The following ATXN7 variants were observed in gnomAD, a reference collection of about 807,000 sequenced individuals.
ATXN7 encodes the protein ataxin 7.
Under a neutral mutation model 70.5 loss-of-function variants are expected in ATXN7, and 12 were observed. The ratio of observed to expected loss-of-function variants is 0.17; its 90% confidence interval spans 0.11 to 0.28. The LOEUF (loss-of-function observed/expected upper bound fraction) is 0.28, where lower values mean the gene tolerates loss of function less well. Among genes scored for constraint, ATXN7 ranks in the 10% least tolerant of loss-of-function variants. ATXN7 has a pLI of 1.00. For missense variants in ATXN7, 1,256 were observed against 1,131.7 expected (o/e 1.11, Z -1.58); for synonymous variants, 498 against 448.7 (o/e 1.11, Z -1.39).
chr3:63,927,223 C>T (rs1401853324), intron 4 of ATXN7, among the ~76,000 whole-genome samples: 1 of 152,064 alleles, frequency 6.6e-6, no homozygotes, highest in Non-Finnish European at 1.5e-5. Context: ...TAGGAGTCAC[C>T]TTTTTGAATT....
At chr3:63,875,377 C>T (rs1185174245) in intron 1 of ATXN7, among the ~76,000 whole-genome samples, 1 of 152,172 alleles carries the variant, frequency 6.6e-6, no homozygotes, top group Admixed American at 6.5e-5. Flanking sequence ...CAGGTGTGAG[C>T]CACTGTGCCC....
At chr3:63,996,721 A>G in intron 12 of ATXN7, 1 of 541,276 alleles carries the variant, frequency 1.8e-6, no homozygotes, top group Non-Finnish European at 3.2e-6. Context: ...TCAGTAAAGA[A>G]ACTACAGTAA....
Position 63,980,136 on chromosome 3 carries a change from A to G in ATXN7, c.721A>G (p.Ile241Val), listed in dbSNP as rs1256403157. The G allele has an allele frequency of 6.2e-7, 1 of 1,614,194 alleles. No homozygotes were observed. The highest frequency in any genetic ancestry group is 2.2e-5 in the East Asian group (1 of 44,876). ...GGGGAACACCAGGCCAATGCATCCCATTCAGCAAAGTAGAGTTCCCCATGG... is the reference window on the plus strand; with the variant it reads ...GGGGAACACCAGGCCAATGCATCCCGTTCAGCAAAGTAGAGTTCCCCATGG... ...LRGNTRPMHPIQQSRVPHGRI... is the reference protein window; with the variant it reads ...LRGNTRPMHPVQQSRVPHGRI... Residue 241 changes from isoleucine (I) to valine (V), a missense_variant, in exon 6 of 13, where the codon ATT becomes GTT. By Grantham distance (29) the Ile-to-Val change is conservative. Coordinates refer to ENST00000674280, the MANE Select transcript of ATXN7 (RefSeq NM_001377405.1).
intron 8 of ATXN7, among the ~76,000 whole-genome samples, chr3:63,984,313 C>T (rs911389968): frequency 2.6e-5 from 4 of 152,082 alleles, no homozygotes; most frequent in African/African-American, 9.7e-5. Context: ...CCACCCCAAG[C>T]CCATCCTTGG....
chr3:63,950,992 C>G (rs1466072151), intron 4 of ATXN7, among the ~76,000 whole-genome samples: 1 of 152,074 alleles, frequency 6.6e-6, no homozygotes, highest in African/African-American at 2.4e-5. Flanking sequence ...GAATTGAATT[C>G]CAGCTATTGA....
intron 4 of ATXN7, among the ~76,000 whole-genome samples, chr3:63,939,219 A>T (rs17069504): frequency 0.018 from 2,775 of 152,228 alleles, 94 homozygotes; most frequent in African/African-American, 0.062. Flanking sequence ...TTATCCATCC[A>T]TCCTGTTCTG....
intron 4 of ATXN7, among the ~76,000 whole-genome samples, chr3:63,914,387 A>G (rs1704179334): frequency 6.6e-6 from 1 of 152,210 alleles, no homozygotes; most frequent in Non-Finnish European, 1.5e-5. Context: ...TCCAATTGGA[A>G]CAGATTATAG....
Position 63,996,390 on chromosome 3 carries a change from T to A in ATXN7, c.2568T>A (p.Val856=). 1 of 1,614,128 alleles carries A rather than the reference T, an allele frequency of 6.2e-7. No homozygotes were observed. Among genetic ancestry groups the A allele is most frequent in the Non-Finnish European group, 8.5e-7 (1 of 1,180,012 alleles). The change falls in exon 12 of 13, where the codon GTT becomes GTA. Residue 856 remains valine, a synonymous_variant. Coordinates refer to ENST00000674280, the MANE Select transcript of ATXN7 (RefSeq NM_001377405.1). ...INNSSSKPTK[V]AKVPAVNNVH... is the part of the protein sequence containing the mutation. Reference sequence around the variant, plus strand: ...ACAGCAGCAGCAAACCCACAAAGGTTGCCAAAGTGCCAGCCGTGAACAATG... The same window carrying A: ...ACAGCAGCAGCAAACCCACAAAGGTAGCCAAAGTGCCAGCCGTGAACAATG...
intron 5 of ATXN7, among the ~76,000 whole-genome samples, chr3:63,964,856 C>T (rs1457110236): frequency 6.6e-6 from 1 of 152,150 alleles, no homozygotes; most frequent in African/African-American, 2.4e-5. Context: ...TGCTCCTTGG[C>T]AGCAGGTAAG....
chr3:63,887,806 C>CA (rs1703133138), intron 1 of ATXN7, among the ~76,000 whole-genome samples: 1 of 151,144 alleles, frequency 6.6e-6, no homozygotes, highest in Non-Finnish European at 1.5e-5. Flanking sequence ...AGGCAGGTCT[C>CA]AAACGATCCA....
chr3:63,964,181 CAAAG>C (rs2075180843), intron 5 of ATXN7, among the ~76,000 whole-genome samples: 1 of 151,598 alleles, frequency 6.6e-6, no homozygotes. Context: ...TAATATGAGA[CAAAG>C]AGATCTTTCA....
chr3:63,987,057 G>C (rs896673690), intron 8 of ATXN7, among the ~76,000 whole-genome samples: 1 of 152,146 alleles, frequency 6.6e-6, no homozygotes, highest in African/African-American at 2.4e-5. Flanking sequence ...AGTATGGAAT[G>C]GTCAGGTTTA....
At position 63,999,929 on chromosome 3, in the gene ATXN7, C is replaced by A. The variant is rs1011914966; in HGVS notation, c.*462C>A. Reference sequence around the variant, plus strand: ...TAGGTCACTCTCCAGCAGTTAGGCACCTTAACTGGAGACCAGAAACCTTCC... The same window carrying A: ...TAGGTCACTCTCCAGCAGTTAGGCAACTTAACTGGAGACCAGAAACCTTCC... On this transcript the variant is annotated 3_prime_UTR_variant, in exon 13 of 13. Coordinates refer to ENST00000674280, the MANE Select transcript of ATXN7 (RefSeq NM_001377405.1). 1.1e-5 allele frequency: 2 copies of A among 187,100 alleles called. No homozygotes were observed. Among genetic ancestry groups the A allele is most frequent in the African/African-American group, 4.7e-5 (2 of 42,668 alleles). The allele number at this position is 187,100 out of a possible 1,614,324, so 11.6% of individuals were successfully genotyped here.
intron 4 of ATXN7, among the ~76,000 whole-genome samples, chr3:63,925,823 G>T (rs1401041879): frequency 1.3e-5 from 2 of 152,208 alleles, no homozygotes; most frequent in South Asian, 2.1e-4. Context: ...GAGTTAGCCA[G>T]TCTGGTGTGG....
At chr3:63,973,399 G>T (rs2075345144) in intron 5 of ATXN7, among the ~76,000 whole-genome samples, 1 of 152,062 alleles carries the variant, frequency 6.6e-6, no homozygotes, top group African/African-American at 2.4e-5. Flanking sequence ...GCAGGTGTTT[G>T]CTGATGGTCT....
chr3:63,876,679 G>A (rs1034753265), intron 1 of ATXN7, among the ~76,000 whole-genome samples: 3 of 152,184 alleles, frequency 2.0e-5, no homozygotes, highest in African/African-American at 4.8e-5. Flanking sequence ...TGATCTGAGA[G>A]TAGGCAGGTT....
At chr3:63,930,013 A>G (rs73117057) in intron 4 of ATXN7, among the ~76,000 whole-genome samples, 14,079 of 152,272 alleles carry the variant, frequency 0.092, 818 homozygotes, top group Middle Eastern at 0.15. Flanking sequence ...GGAACTGGGA[A>G]TTACCTGCCC....
intron 8 of ATXN7, among the ~76,000 whole-genome samples, chr3:63,984,251 G>GTGTA: frequency 6.7e-6 from 1 of 150,310 alleles, no homozygotes; most frequent in Admixed American, 6.6e-5. Context: ...GAATAAAATA[G>GTGTA]TGCATACACA....
At chr3:63,967,623 T>C in intron 5 of ATXN7, 1 of 437,136 alleles carries the variant, frequency 2.3e-6, no homozygotes, top group Non-Finnish European at 3.6e-6. Flanking sequence ...TTTTAGCAGG[T>C]TAAACTTATA....
Sources: allele counts gnomAD v4.1 joint callset (sites outside exome capture counted in the v4.1 genomes callset), GRCh38; gene constraint gnomAD v4.1.1; transcripts MANE v1.5; gene names NCBI Gene and HGNC (gene_info 2026-07-23, HGNC 2026-07-21).